The following KLHL5 variants were observed in gnomAD, a reference collection of about 807,000 sequenced individuals.
The protein encoded by KLHL5 is kelch-like protein 5.
A neutral mutation model predicts 77.7 loss-of-function variants in KLHL5; 48 were observed. The observed-to-expected ratio is 0.62, with a 90% CI of 0.49 to 0.79. The LOEUF is 0.79. Among genes scored for constraint, KLHL5 ranks in the 30% least tolerant of loss-of-function variants. The pLI, the probability that KLHL5 is intolerant of heterozygous loss-of-function variation, is 0.00. For synonymous variants in KLHL5, 260 were observed against 297.0 expected (o/e 0.88, Z 1.28); for missense variants, 723 against 859.7 (o/e 0.84, Z 1.99).
At chr4:39,045,179 C>T in intron 1 of KLHL5, 1 of 983,766 alleles carries the variant, frequency 1.0e-6, no homozygotes, top group Non-Finnish European at 1.2e-6. Flanking sequence ...ACTCTCACGC[C>T]CCGCTGCGGC....
At position 39,124,828 on chromosome 4, in the gene KLHL5, C is replaced by CAAAAAAAAAAAAAAAAAAAA. The variant is rs1723434720; in HGVS notation, c.*3766_*3767insAAAAAAAAAAAAAAAAAAAA. Among the ~76,000 whole-genome samples, 2 of 79,402 alleles carry CAAAAAAAAAAAAAAAAAAAA rather than the reference C, an allele frequency of 2.5e-5. No individual in the cohort carries two copies. The highest frequency in any genetic ancestry group is 8.8e-5 in the African/African-American group (2 of 22,844). 52.1% of individuals were successfully genotyped at this position (79,402 alleles called of 152,430 possible). ...AAAAAAAAAAAAAAAAAAAAAAAATCAAAATTAAAAGCTTCTACATATCAA... is the reference window on the plus strand; with the variant it reads ...AAAAAAAAAAAAAAAAAAAAAAAATCAAAAAAAAAAAAAAAAAAAAAAAATTAAAAGCTTCTACATATCAA... On this transcript the variant is annotated 3_prime_UTR_variant, in exon 11 of 11. Coordinates refer to ENST00000504108, the MANE Select transcript of KLHL5 (RefSeq NM_015990.5).
chr4:39,136,004 A>G, the KLHL5 span, among the ~76,000 whole-genome samples: 7 of 128,130 alleles, frequency 5.5e-5, no homozygotes, highest in Non-Finnish European at 6.5e-5. Flanking sequence ...TCATTCTAAC[A>G]CGTGTGTGTG....
At chr4:39,073,536 A>G (rs978049658) in intron 1 of KLHL5, among the ~76,000 whole-genome samples, 4 of 67,172 alleles carry the variant, frequency 6.0e-5, no homozygotes, top group African/African-American at 2.2e-4. Flanking sequence ...ATTAGATATT[A>G]TAATTTTTCC....
intron 1 of KLHL5, among the ~76,000 whole-genome samples, chr4:39,069,697 G>A (rs751383757): frequency 4.6e-5 from 7 of 151,762 alleles, no homozygotes; most frequent in Non-Finnish European, 8.8e-5. Flanking sequence ...TTCTATACGT[G>A]TATAATGTGT....
At chr4:39,135,918 A>T in the KLHL5 span, among the ~76,000 whole-genome samples, 1 of 151,342 alleles carries the variant, frequency 6.6e-6, no homozygotes, top group East Asian at 1.9e-4. Flanking sequence ...AAACAAACAA[A>T]CTGGCGTATA....
At chr4:39,092,693 T>C (rs1720695029) in intron 5 of KLHL5, among the ~76,000 whole-genome samples, 1 of 152,186 alleles carries the variant, frequency 6.6e-6, no homozygotes, top group African/African-American at 2.4e-5. Flanking sequence ...GCAGTGCTAG[T>C]TTCCAAATAC....
intron 5 of KLHL5, chr4:39,093,263 A>G (rs952459974): frequency 1.9e-5 from 8 of 427,674 alleles, no homozygotes; most frequent in Non-Finnish European, 3.3e-5. Flanking sequence ...CAGAGTCTCC[A>G]TATTGTATGA....
Position 39,125,278 on chromosome 4 carries a change from T to C in KLHL5, c.*4212T>C, listed in dbSNP as rs953553926. On this transcript the variant is annotated 3_prime_UTR_variant, in exon 11 of 11. Coordinates refer to ENST00000504108, the MANE Select transcript of KLHL5 (RefSeq NM_015990.5). Reference sequence around the variant, plus strand: ...GGTGTAGCCACTGTGGAAAACAGTTTGGCAGTTCCTCAATAAGTTAAAAAA... The same window carrying C: ...GGTGTAGCCACTGTGGAAAACAGTTCGGCAGTTCCTCAATAAGTTAAAAAA... 8.3e-6 allele frequency among the ~76,000 whole-genome samples: 1 copy of C among 119,796 alleles called. No homozygotes were observed. Among genetic ancestry groups the C allele is most frequent in the Non-Finnish European group, 2.0e-5 (1 of 49,556 alleles). The allele number at this position is 119,796 out of a possible 152,430, so 78.6% of individuals were successfully genotyped here.
At chr4:39,066,210 G>C (rs1047776982) in intron 1 of KLHL5, among the ~76,000 whole-genome samples, 10 of 152,122 alleles carry the variant, frequency 6.6e-5, no homozygotes, top group African/African-American at 2.4e-4. Context: ...TAGACCTTAA[G>C]TAACAGAGCT....
chr4:39,099,424 A>T (rs1721354212), intron 6 of KLHL5, among the ~76,000 whole-genome samples: 2 of 152,194 alleles, frequency 1.3e-5, no homozygotes, highest in South Asian at 4.1e-4. Flanking sequence ...AACTCCTAGT[A>T]CTAGCAGGCT....
chr4:39,072,546 G>A (rs1223330894), intron 1 of KLHL5, among the ~76,000 whole-genome samples: 1 of 152,124 alleles, frequency 6.6e-6, no homozygotes, highest in Non-Finnish European at 1.5e-5. Context: ...CTAGCCCCAA[G>A]AGAATACTGA....
At chr4:39,128,231 T>C (rs1723634136), downstream of KLHL5, among the ~76,000 whole-genome samples, 1 of 152,224 alleles carries the variant, frequency 6.6e-6, no homozygotes, top group African/African-American at 2.4e-5. Context: ...TAATTATTCA[T>C]TGAATATAAA....
rs1301837080 is a variant in KLHL5 at position 39,062,248 on chromosome 4, T to G, written c.-405T>G. 1.6e-6 allele frequency: 2 copies of G among 1,270,946 alleles called. No individual in the cohort carries two copies. Among genetic ancestry groups the G allele is most frequent in the Non-Finnish European group, 9.9e-7 (1 of 1,006,278 alleles). 78.7% of individuals were successfully genotyped at this position (1,270,946 alleles called of 1,614,324 possible). ...GACTGAGATACTGCAACGGGGATAGTGTTTTCTGTCTCTGTCATTTGTGGT... is the reference window on the plus strand; with the variant it reads ...GACTGAGATACTGCAACGGGGATAGGGTTTTCTGTCTCTGTCATTTGTGGT... On this transcript the variant is annotated 5_prime_UTR_variant, in exon 1 of 11. Transcript: ENST00000504108.
At chr4:39,075,941 ATG>A in intron 1 of KLHL5, 22 bp from the exon 2 acceptor site, 6 of 1,581,040 alleles carry the variant, frequency 3.8e-6, no homozygotes, top group Non-Finnish European at 4.3e-6. Flanking sequence ...ATATTTCAAA[ATG>A]TGTGTTTTTT....
At chr4:39,142,167 C>A in the KLHL5 span, among the ~76,000 whole-genome samples, 71 of 152,138 alleles carry the variant, frequency 4.7e-4, no homozygotes, top group Non-Finnish European at 6.8e-4. Context: ...ATTTAAAATA[C>A]AGTATATTCA....
Position 39,081,050 on chromosome 4 carries a change from G to T in KLHL5, c.567-53G>T. ...AAAAGAAGCAGCAGCATTTATTAAT[G>T]AACATCAACTCGAATGTGGTCATTG... is the stretch of plus-strand genomic sequence containing the variant. On this transcript the variant is annotated intron_variant, in intron 2 of 10. Transcript: ENST00000504108. This position sits in a 1 kb window ranked among gnomAD's most constrained non-coding sequence, Gnocchi z 4.3. 1 of 1,534,212 alleles carries T rather than the reference G, an allele frequency of 6.5e-7. No individual in the cohort carries two copies. The highest frequency in any genetic ancestry group is 1.2e-5 in the South Asian group (1 of 80,232).
rs1425865041 is a variant in KLHL5 at position 39,124,564 on chromosome 4, A to G, written c.*3498A>G. On this transcript the variant is annotated 3_prime_UTR_variant, in exon 11 of 11. Transcript: ENST00000504108. Reference sequence around the variant, plus strand: ...CAAGGGTTCCAGGACCATTCAATGAAGAAAGAACAGTGTCTTCAACTAATA... The same window carrying G: ...CAAGGGTTCCAGGACCATTCAATGAGGAAAGAACAGTGTCTTCAACTAATA... Among the ~76,000 whole-genome samples, 1 of 152,162 alleles carries G rather than the reference A, an allele frequency of 6.6e-6. No individual in the cohort carries two copies. The highest frequency in any genetic ancestry group is 1.5e-5 in the Non-Finnish European group (1 of 68,012).
At chr4:39,129,229 C>G (rs1260339979), downstream of KLHL5, among the ~76,000 whole-genome samples, 1 of 146,430 alleles carries the variant, frequency 6.8e-6, no homozygotes, top group East Asian at 2.1e-4. This position sits in a 1 kb window ranked among gnomAD's most constrained non-coding sequence, Gnocchi z 4.2. Context: ...GTTGCCCAGG[C>G]TGGAGTGCAG....
Position 39,113,187 on chromosome 4 carries a change from C to T in KLHL5, c.1856C>T (p.Ala619Val). ...GLLYAIGGHD[A>V]PASNLTSRLS... ...CTGTATGCTATAGGGGGGCACGATG[C>T]TCCCGCATCCAACTTGACTTCCAGA... is the stretch of plus-strand genomic sequence containing the variant. The change falls in exon 9 of 11, where the codon GCT becomes GTT. Residue 619 changes from alanine to valine, a missense_variant. Ala to Val is a moderately conservative substitution (Grantham distance 64, BLOSUM62 0). Transcript: ENST00000504108. 3 of 1,614,080 alleles carry T rather than the reference C, an allele frequency of 1.9e-6. No homozygotes were observed. The highest frequency in any genetic ancestry group is 1.7e-6 in the Non-Finnish European group (2 of 1,179,974).
Sources: gnomAD v4.1 joint callset for allele counts (sites outside exome capture counted in the v4.1 genomes callset) on GRCh38, gnomAD v4.1.1 for gene constraint, Gnocchi (gnomAD v3.1) non-coding constraint, MANE v1.5 for transcripts, NCBI Gene and HGNC (gene_info 2026-07-23, HGNC 2026-07-21) for gene names.